The following SLC30A8 variants were observed in gnomAD, a reference collection of about 807,000 sequenced individuals.
The protein encoded by SLC30A8 is proton-coupled zinc antiporter SLC30A8.
Under a neutral mutation model 36.9 loss-of-function variants are expected in SLC30A8, and 27 were observed. The ratio of observed to expected loss-of-function variants is 0.73; its 90% confidence interval spans 0.54 to 1.01. The LOEUF is 1.01. Ranked by LOEUF, SLC30A8 falls within the 50% of genes least tolerant of loss-of-function variation. SLC30A8 has a pLI of 0.00. For missense variants in SLC30A8, 439 were observed against 452.0 expected (o/e 0.97, Z 0.26); for synonymous variants, 164 against 172.4 (o/e 0.95, Z 0.38).
At chr8:117,030,180 G>GA (rs1816996229) in intron 1 of SLC30A8, among the ~76,000 whole-genome samples, 1 of 151,294 alleles carries the variant, frequency 6.6e-6, no homozygotes, top group Non-Finnish European at 1.5e-5. Flanking sequence ...ATAAATTGCT[G>GA]ATGGCTTTAT....
At chr8:117,112,078 C>T (rs2130881128) in intron 2 of SLC30A8, among the ~76,000 whole-genome samples, 1 of 152,250 alleles carries the variant, frequency 6.6e-6, no homozygotes. Flanking sequence ...TCTTCCGTCT[C>T]TATTTCAGGT....
chr8:117,024,386 C>T (rs1194546332), intron 1 of SLC30A8, among the ~76,000 whole-genome samples: 1 of 152,164 alleles, frequency 6.6e-6, no homozygotes, highest in African/African-American at 2.4e-5. Flanking sequence ...GAAAAGAGGT[C>T]CTATTGCAAA....
chr8:116,961,290 G>T (rs1003055193), intron 1 of SLC30A8, among the ~76,000 whole-genome samples: 1 of 152,050 alleles, frequency 6.6e-6, no homozygotes, highest in Non-Finnish European at 1.5e-5. Flanking sequence ...TTAGCCGGGC[G>T]TGGTGGCAGG....
chr8:117,163,350 A>C (rs193212985), intron 5 of SLC30A8, 75 bp from the exon 6 acceptor site: 1 of 1,143,512 alleles, frequency 8.7e-7, no homozygotes, highest in Admixed American at 1.9e-5. Flanking sequence ...AGGGAGGTTT[A>C]CTTATTTTAT....
At chr8:117,069,740 G>T (rs1212716113) in intron 2 of SLC30A8, among the ~76,000 whole-genome samples, 1 of 152,172 alleles carries the variant, frequency 6.6e-6, no homozygotes, top group Non-Finnish European at 1.5e-5. Context: ...TGATGGTGTT[G>T]GTAAAACCCA....
intron 2 of SLC30A8, among the ~76,000 whole-genome samples, chr8:117,054,441 T>G (rs1394122888): frequency 1.3e-5 from 2 of 152,126 alleles, no homozygotes; most frequent in African/African-American, 4.8e-5. Flanking sequence ...CCCTGTGAGG[T>G]TGGAACATCA....
rs191238193 is a variant in SLC30A8, at chr8:116,981,779, G to A, written c.-266+30660G>A. Among the ~76,000 whole-genome samples, 228 of 152,220 alleles carry A rather than the reference G, an allele frequency of 1.5e-3. 2 individuals carry two copies. Among genetic ancestry groups the A allele is most frequent in the African/African-American group, 4.2e-3 (174 of 41,530 alleles). The stretch of plus-strand genomic sequence containing the variant: ...TTTTTATGGCTGTGTAGTATTCCAT[G>A]GTGTGTATGTACTACATATTTTAAA... On this transcript the variant is annotated intron_variant, in intron 1 of 10. Transcript: ENST00000427715.
chr8:116,993,616 A>G (rs558303218), intron 1 of SLC30A8, among the ~76,000 whole-genome samples: 68 of 147,558 alleles, frequency 4.6e-4, no homozygotes, highest in African/African-American at 1.7e-3. Flanking sequence ...GTTGAAAAAC[A>G]TGTGACAATA....
chr8:116,963,274 C>A (rs1360726638), intron 1 of SLC30A8, among the ~76,000 whole-genome samples: 1 of 152,114 alleles, frequency 6.6e-6, no homozygotes, highest in Admixed American at 6.6e-5. Flanking sequence ...ATTGAACTAA[C>A]TTGAAAGTTA....
At chr8:117,107,727 T>TC (rs968530275) in intron 2 of SLC30A8, among the ~76,000 whole-genome samples, 5 of 151,858 alleles carry the variant, frequency 3.3e-5, no homozygotes, top group African/African-American at 1.2e-4. Context: ...TAAACACAAC[T>TC]CCCCCAAATC....
chr8:117,021,322 CTTTG>C (rs976145999), intron 1 of SLC30A8, among the ~76,000 whole-genome samples: 4 of 152,096 alleles, frequency 2.6e-5, no homozygotes, highest in East Asian at 1.9e-4. Flanking sequence ...TATTTAGTGA[CTTTG>C]TTTGAGGTCA....
intron 6 of SLC30A8, among the ~76,000 whole-genome samples, chr8:117,168,502 C>T (rs951480408): frequency 6.6e-6 from 1 of 152,014 alleles, no homozygotes; most frequent in Non-Finnish European, 1.5e-5. Flanking sequence ...TTCAGACTCC[C>T]CCCCAAGTAA....
chr8:117,041,716 AT>A (rs1817394224), intron 2 of SLC30A8, among the ~76,000 whole-genome samples: 1 of 152,080 alleles, frequency 6.6e-6, no homozygotes, highest in Admixed American at 6.6e-5. Flanking sequence ...AATAAAAAAA[AT>A]TCTGATGGTT....
chr8:117,091,133 A>C (rs1819104824), intron 2 of SLC30A8, among the ~76,000 whole-genome samples: 1 of 152,134 alleles, frequency 6.6e-6, no homozygotes, highest in Admixed American at 6.5e-5. Flanking sequence ...CCTGAGGCAA[A>C]ATCACAGAAA....
rs771136292 is a variant in SLC30A8, at chr8:117,153,005, G to A, written c.333G>A (p.Leu111=). 12 of 1,613,606 alleles carry A rather than the reference G, an allele frequency of 7.4e-6. No homozygotes were observed. Among genetic ancestry groups the A allele is most frequent in the Non-Finnish European group, 9.3e-6 (11 of 1,179,690 alleles). The change falls in exon 3 of 8, where the codon CTG becomes CTA. Residue 111 remains leucine, a synonymous_variant. Transcript: ENST00000456015. ...VTDAAHLLID[L]TSFLLSLFSL... is the part of the protein sequence containing the mutation. The stretch of plus-strand genomic sequence containing the variant: ...ATGCTGCCCACCTCTTAATTGACCT[G>A]ACCAGTTTCCTGCTCAGTCTCTTCT...
At chr8:117,088,167 G>A (rs1283141770) in intron 2 of SLC30A8, among the ~76,000 whole-genome samples, 1 of 152,106 alleles carries the variant, frequency 6.6e-6, no homozygotes, top group Non-Finnish European at 1.5e-5. Context: ...AACTTGGACA[G>A]GTGAGAAAAA....
Position 117,147,085 on chromosome 8 carries a change from C to G in SLC30A8, c.203C>G (p.Ala68Gly). Residue 68 changes from alanine (A) to glycine (G), a missense_variant, in exon 2 of 8, where the codon GCC becomes GGC. Coordinates refer to ENST00000456015, the MANE Select transcript of SLC30A8 (RefSeq NM_173851.3). ...ACAGAAAAGGGGGCGAATGAGTACG[C>G]CTATGCCAAGTGGAAACTCTGTTCT... ...KPTEKGANEY[A>G]YAKWKLCSAS... 1.2e-6 allele frequency: 2 copies of G among 1,614,104 alleles called. No individual in the cohort carries two copies. Among genetic ancestry groups the G allele is most frequent in the Non-Finnish European group, 1.7e-6 (2 of 1,180,016 alleles).
At chr8:116,974,552 G>C (rs1814910757) in intron 1 of SLC30A8, among the ~76,000 whole-genome samples, 1 of 152,192 alleles carries the variant, frequency 6.6e-6, no homozygotes, top group Non-Finnish European at 1.5e-5. Context: ...TGCTGGAGAG[G>C]ATGTGGAGAA....
intron 2 of SLC30A8, among the ~76,000 whole-genome samples, chr8:117,076,341 T>G (rs781475845): frequency 6.6e-6 from 1 of 152,188 alleles, no homozygotes; most frequent in Non-Finnish European, 1.5e-5. Context: ...GAGCTAGAGT[T>G]TTTCCCTTTG....
Sources: gnomAD v4.1 joint callset for allele counts (sites outside exome capture counted in the v4.1 genomes callset) on GRCh38, gnomAD v4.1.1 for gene constraint, MANE v1.5 for transcripts, NCBI Gene and HGNC (gene_info 2026-07-23, HGNC 2026-07-21) for gene names.